Variants in ENTPD1 observed in about 807,000 individuals in gnomAD.
ENTPD1 encodes ATP diphosphohydrolase.
Under a neutral mutation model 57.0 loss-of-function variants are expected in ENTPD1, and 33 were observed. That is an observed-to-expected ratio of 0.58 (90% confidence interval 0.44 to 0.77). ENTPD1 has a LOEUF of 0.77. ENTPD1 is among the 30% of genes least tolerant of loss of function. The pLI is 0.00. For synonymous variants in ENTPD1, 202 were observed against 218.8 expected (o/e 0.92, Z 0.68); for missense variants, 501 against 603.4 (o/e 0.83, Z 1.78).
chr10:95,860,200 T>C (rs572540086), intron 7 of ENTPD1, among the ~76,000 whole-genome samples: 8 of 152,276 alleles, frequency 5.3e-5, no homozygotes, highest in African/African-American at 1.9e-4. Context: ...TCTCTTTTCT[T>C]ATTCTCTTTC....
chr10:95,703,509 C>T, the ENTPD1 span, among the ~76,000 whole-genome samples: 5 of 152,184 alleles, frequency 3.3e-5, no homozygotes, highest in South Asian at 2.1e-4. Context: ...TCACTGGGCG[C>T]GGTGGCTCAC....
chr10:95,864,688 C>A, intron 8 of ENTPD1, 36 bp from the exon 9 acceptor site: 1 of 1,613,856 alleles, frequency 6.2e-7, no homozygotes, highest in Non-Finnish European at 8.5e-7. Flanking sequence ...AGGTGCCTAT[C>A]ATACGAGTAT....
intron 7 of ENTPD1, among the ~76,000 whole-genome samples, chr10:95,851,530 T>C (rs1332061187): frequency 6.6e-6 from 1 of 151,772 alleles, no homozygotes; most frequent in Non-Finnish European, 1.5e-5. Context: ...GCTGCACCCA[T>C]TAACTCGTCA....
chr10:95,705,488 T>C, the ENTPD1 span, among the ~76,000 whole-genome samples: 1 of 152,104 alleles, frequency 6.6e-6, no homozygotes, highest in Non-Finnish European at 1.5e-5. Context: ...CACAACAATT[T>C]TTTTTGTTGT....
the ENTPD1 span, among the ~76,000 whole-genome samples, chr10:95,698,838 A>G: frequency 6.6e-6 from 1 of 152,198 alleles, no homozygotes; most frequent in Non-Finnish European, 1.5e-5. Flanking sequence ...ACCTTGTCAA[A>G]CTCCACATCT....
chr10:95,723,753 G>A (rs946196610), intron 1 of ENTPD1, among the ~76,000 whole-genome samples: 19 of 152,240 alleles, frequency 1.2e-4, no homozygotes, highest in African/African-American at 4.3e-4. Flanking sequence ...TGGGAGTTCG[G>A]GACAACAGCT....
intron 1 of ENTPD1, among the ~76,000 whole-genome samples, chr10:95,719,385 C>A (rs930820921): frequency 1.3e-5 from 2 of 152,190 alleles, no homozygotes; most frequent in African/African-American, 4.8e-5. Context: ...TATTGGCTTT[C>A]TGAGTTTCCT....
intron 1 of ENTPD1, among the ~76,000 whole-genome samples, chr10:95,773,296 A>G (rs1415109351): frequency 1.3e-5 from 2 of 152,186 alleles, no homozygotes; most frequent in Non-Finnish European, 2.9e-5. Context: ...TCCTTGATCC[A>G]TAGACTGCAG....
intron 1 of ENTPD1, among the ~76,000 whole-genome samples, chr10:95,733,806 G>T (rs1481556999): frequency 1.3e-5 from 2 of 152,154 alleles, no homozygotes; most frequent in African/African-American, 4.8e-5. Context: ...TTGTTAAGAT[G>T]TTAATTATTG....
chr10:95,708,841 T>C (rs1228438296), upstream of ENTPD1, among the ~76,000 whole-genome samples: 1 of 152,216 alleles, frequency 6.6e-6, no homozygotes, highest in Non-Finnish European at 1.5e-5. Context: ...TGTGTGGTAG[T>C]ATGTATGTTG....
chr10:95,738,304 C>T (rs938753380), intron 1 of ENTPD1, among the ~76,000 whole-genome samples: 6 of 152,110 alleles, frequency 3.9e-5, no homozygotes, highest in African/African-American at 1.4e-4. Context: ...CTGTGCCTGC[C>T]TTGATTTCTA....
At chr10:95,783,168 T>C (rs1451406852) in intron 1 of ENTPD1, among the ~76,000 whole-genome samples, 2 of 152,146 alleles carry the variant, frequency 1.3e-5, no homozygotes, top group African/African-American at 4.8e-5. Context: ...ATGAGTAGCA[T>C]TGTTACCATT....
upstream of ENTPD1, among the ~76,000 whole-genome samples, chr10:95,707,737 T>C (rs2097963100): frequency 6.6e-6 from 1 of 152,182 alleles, no homozygotes; most frequent in African/African-American, 2.4e-5. Context: ...CCTGAGTAGC[T>C]GGGATTATAG....
At chr10:95,781,012 G>A (rs1407566809) in intron 1 of ENTPD1, among the ~76,000 whole-genome samples, 3 of 152,172 alleles carry the variant, frequency 2.0e-5, no homozygotes, top group Admixed American at 6.6e-5. Context: ...AGCAACCTAA[G>A]TGTCCATCGA....
chr10:95,797,870 A>G (rs2098232986), intron 1 of ENTPD1, among the ~76,000 whole-genome samples: 1 of 152,226 alleles, frequency 6.6e-6, no homozygotes, highest in Non-Finnish European at 1.5e-5. Context: ...CAGACTGTGC[A>G]TCATCGCCAT....
At chr10:95,745,779 G>A (rs2098005422) in intron 1 of ENTPD1, among the ~76,000 whole-genome samples, 1 of 152,220 alleles carries the variant, frequency 6.6e-6, no homozygotes, top group Admixed American at 6.5e-5. Context: ...TTGAGTGTCT[G>A]CTGTGCTTGA....
intron 1 of ENTPD1, among the ~76,000 whole-genome samples, chr10:95,717,740 C>T (rs1289845109): frequency 1.3e-5 from 2 of 152,272 alleles, no homozygotes; most frequent in East Asian, 3.9e-4. Flanking sequence ...TGGCCGACAA[C>T]CGCTCTTAAC....
Position 95,767,024 on chromosome 10 carries a change from C to T in ENTPD1, c.16+10769C>T, listed in dbSNP as rs186782362. Among the ~76,000 whole-genome samples, 259 of 151,906 alleles carry T rather than the reference C, an allele frequency of 1.7e-3. 2 individuals carry two copies. The highest frequency in any genetic ancestry group is 5.8e-3 in the African/African-American group (239 of 41,440). On this transcript the variant is annotated intron_variant, in intron 1 of 9. Coordinates refer to ENST00000371205, the MANE Select transcript of ENTPD1 (RefSeq NM_001776.6). ...CCTTCTGAGTAGCTAGGGCTACAGG[C>T]GTGCACCACCATACCCAGCTGATTT...
intron 1 of ENTPD1, among the ~76,000 whole-genome samples, chr10:95,736,001 G>GT (rs35402062): frequency 0.19 from 26,077 of 134,248 alleles, 3,359 homozygotes; most frequent in African/African-American, 0.34. Context: ...CATTTTCAAA[G>GT]TTTTTTTTTT....
Sources: allele counts gnomAD v4.1 joint callset (sites outside exome capture counted in the v4.1 genomes callset), GRCh38; gene constraint gnomAD v4.1.1; transcripts MANE v1.5; gene names NCBI Gene and HGNC (gene_info 2026-07-23, HGNC 2026-07-21).